FAM20A: variants seen among roughly 807,000 people sequenced by gnomAD.
FAM20A encodes the protein FAM20A golgi associated secretory pathway pseudokinase, also known as pseudokinase FAM20A.
Under a neutral mutation model 52.0 loss-of-function variants are expected in FAM20A, and 42 were observed. That is an observed-to-expected ratio of 0.81 (90% confidence interval 0.63 to 1.04). FAM20A has a LOEUF of 1.04. FAM20A is among the 50% of genes least tolerant of loss of function. The pLI, the probability that FAM20A is intolerant of heterozygous loss-of-function variation, is 0.00. For missense variants in FAM20A, 742 were observed against 712.7 expected (o/e 1.04, Z -0.47); for synonymous variants, 304 against 298.9 (o/e 1.02, Z -0.18).
intron 1 of FAM20A, among the ~76,000 whole-genome samples, chr17:68,568,687 A>G (rs924486312): frequency 6.6e-6 from 1 of 151,548 alleles, no homozygotes; most frequent in Non-Finnish European, 1.5e-5. Context: ...TGGCCACATC[A>G]TGCTAATCTC....
chr17:68,552,866 A>G (rs889867036), intron 3 of FAM20A, among the ~76,000 whole-genome samples: 4 of 129,050 alleles, frequency 3.1e-5, no homozygotes, highest in South Asian at 5.1e-4. Flanking sequence ...TATTTTTAGT[A>G]GAGACGGGGT....
chr17:68,540,605 G>A, intron 8 of FAM20A: 1 of 602,956 alleles, frequency 1.7e-6, no homozygotes, highest in South Asian at 1.5e-5. Context: ...GCCCACTCAG[G>A]CCCGTGGCAG....
chr17:68,558,967 AG>A (rs1439199605), intron 1 of FAM20A, among the ~76,000 whole-genome samples: 1 of 152,190 alleles, frequency 6.6e-6, no homozygotes, highest in Non-Finnish European at 1.5e-5. Context: ...CATCTTGGCC[AG>A]GGTGGTCTTG....
At chr17:68,591,444 A>C (rs1201147850) in intron 1 of FAM20A, among the ~76,000 whole-genome samples, 4 of 152,306 alleles carry the variant, frequency 2.6e-5, no homozygotes, top group African/African-American at 9.6e-5. Flanking sequence ...TTCTGCCCTT[A>C]CTGAGGTTTG....
chr17:68,575,650 TTA>T (rs1408269659), intron 1 of FAM20A, among the ~76,000 whole-genome samples: 1 of 115,706 alleles, frequency 8.6e-6, no homozygotes, highest in Non-Finnish European at 1.7e-5. Context: ...ATATTATATT[TTA>T]TATATATTTT....
At chr17:68,584,905 G>C (rs2088124892) in intron 1 of FAM20A, among the ~76,000 whole-genome samples, 1 of 152,196 alleles carries the variant, frequency 6.6e-6, no homozygotes, top group Admixed American at 6.5e-5. Context: ...TACTTGGGGT[G>C]TACATTTTGC....
chr17:68,547,964 C>A (rs1040117918), intron 4 of FAM20A, among the ~76,000 whole-genome samples: 6 of 152,336 alleles, frequency 3.9e-5, no homozygotes, highest in Admixed American at 3.9e-4. Context: ...ATATGACACT[C>A]CTCCTTTCAT....
chr17:68,597,808 A>G (rs548670652), intron 1 of FAM20A, among the ~76,000 whole-genome samples: 1 of 152,146 alleles, frequency 6.6e-6, no homozygotes, highest in South Asian at 2.1e-4. Flanking sequence ...TGTCCATTCT[A>G]TTTATTTGTC....
intron 4 of FAM20A, among the ~76,000 whole-genome samples, chr17:68,546,062 G>A (rs2086542441): frequency 6.6e-6 from 1 of 151,056 alleles, no homozygotes; most frequent in Non-Finnish European, 1.5e-5. Flanking sequence ...CCAGCTACTT[G>A]GGAGGCTGAG....
chr17:68,546,441 G>C (rs866907952), intron 4 of FAM20A, among the ~76,000 whole-genome samples: 31 of 152,008 alleles, frequency 2.0e-4, no homozygotes, highest in African/African-American at 7.0e-4. Flanking sequence ...CTAGAATGGA[G>C]ACTCCTTTCC....
Position 68,600,674 on chromosome 17 carries a change from T to C in FAM20A, c.-8A>G. 2 of 1,537,318 alleles carry C rather than the reference T, an allele frequency of 1.3e-6. No individual in the cohort carries two copies. Among genetic ancestry groups the C allele is most frequent in the Non-Finnish European group, 1.7e-6 (2 of 1,148,302 alleles). ...CCGGCGCAGCCCCGGCATGGCGTGCTGGCCAAGGGGGACGCCGGGGGCAGG... is the reference window on the plus strand; with the variant it reads ...CCGGCGCAGCCCCGGCATGGCGTGCCGGCCAAGGGGGACGCCGGGGGCAGG... On this transcript the variant is annotated 5_prime_UTR_variant, in exon 1 of 11. Transcript: ENST00000592554. This position sits in a 1 kb window ranked among gnomAD's most constrained non-coding sequence, Gnocchi z 6.2.
rs1039169812 is a variant in FAM20A, at chr17:68,600,039, A to C, written c.404+224T>G. On this transcript the variant is annotated intron_variant, in intron 1 of 10. Transcript: ENST00000592554. This position sits in a 1 kb window ranked among gnomAD's most constrained non-coding sequence, Gnocchi z 6.2. ...CGTTTCTTCGCTGTGCGGCTGCAAT[A>C]GAAACTTTTTCCTCGTACTATCTGA... 4.6e-5 allele frequency among the ~76,000 whole-genome samples: 7 copies of C among 152,184 alleles called. No homozygotes were observed. Among genetic ancestry groups the C allele is most frequent in the Non-Finnish European group, 8.8e-5 (6 of 68,026 alleles).
In FAM20A at chr17:68,600,968, C is replaced by T. The variant is rs1054835780; in HGVS notation, c.-302G>A. 3 of 268,230 alleles carry T rather than the reference C, an allele frequency of 1.1e-5. No individual in the cohort carries two copies. The highest frequency in any genetic ancestry group is 2.1e-5 in the Non-Finnish European group (3 of 144,084). 16.6% of individuals were successfully genotyped at this position (268,230 alleles called of 1,614,324 possible). ...TCTTGCGCCTTTTCTCCCGTGCGCC[C>T]GCCCGCCCGGACGCTCGCGGCAGGT... On this transcript the variant is annotated 5_prime_UTR_variant, in exon 1 of 11. Coordinates refer to ENST00000592554, the MANE Select transcript of FAM20A (RefSeq NM_017565.4). The surrounding 1 kb of genome is among the most constrained non-coding windows in gnomAD (Gnocchi z 6.2).
intron 1 of FAM20A, chr17:68,575,100 A>G (rs2087689663): frequency 6.6e-6 from 1 of 152,040 alleles, no homozygotes. Context: ...GCTGAAAGAG[A>G]TAAGAAATGG....
At position 68,600,464 on chromosome 17, in the gene FAM20A, A is replaced by T. The variant is rs369502836; in HGVS notation, c.203T>A (p.Val68Glu). 1.7e-5 allele frequency: 28 copies of T among 1,608,984 alleles called. No individual in the cohort carries two copies. Among genetic ancestry groups the T allele is most frequent in the Non-Finnish European group, 2.4e-5 (28 of 1,178,028 alleles). The change falls in exon 1 of 11, where the codon GTG becomes GAG. Residue 68 changes from valine to glutamate, a missense_variant. By Grantham distance (121) the Val-to-Glu change is moderately radical. Coordinates refer to ENST00000592554, the MANE Select transcript of FAM20A (RefSeq NM_017565.4). This position sits in a 1 kb window ranked among gnomAD's most constrained non-coding sequence, Gnocchi z 6.2. ...GGGCTCGGTTCGGGAAAAGTTGTGC[A>T]CGATCGTGCCGGGGTCCGAGGCAGC... ...AAAASDPGTI[V>E]HNFSRTEPRT...
chr17:68,539,420 T>G, intron 9 of FAM20A, 24 bp from the exon 10 acceptor site: 1 of 1,612,006 alleles, frequency 6.2e-7, no homozygotes, highest in Non-Finnish European at 8.5e-7. Flanking sequence ...CAGGCTTTTA[T>G]GGGTGGCCGG....
rs8068215 is a variant in FAM20A at position 68,552,345 on chromosome 17, C to T, written c.641-394G>A. ...AGAATGTTTTCCTAAGAAGAATGAA[C>T]CCTTTCCTCTTTGTGTTTCAACTAC... On this transcript the variant is annotated intron_variant, in intron 3 of 10. Coordinates refer to ENST00000592554, the MANE Select transcript of FAM20A (RefSeq NM_017565.4). 3.2e-3 allele frequency among the ~76,000 whole-genome samples: 492 copies of T among 152,146 alleles called. 6 individuals are homozygous for T. Among genetic ancestry groups the T allele is most frequent in the African/African-American group, 0.011 (476 of 41,494 alleles).
At chr17:68,557,385 G>A (rs1384194322) in intron 1 of FAM20A, 1 of 151,972 alleles carries the variant, frequency 6.6e-6, no homozygotes, top group Admixed American at 6.6e-5. Flanking sequence ...TTGGAGATGG[G>A]GCCTCTGGGG....
chr17:68,537,591 G>T lies in FAM20A; in HGVS notation c.1512C>A (p.Thr504=), dbSNP rs750439786. 1 of 1,613,604 alleles carries T rather than the reference G, an allele frequency of 6.2e-7. No homozygotes were observed. The highest frequency in any genetic ancestry group is 8.5e-7 in the Non-Finnish European group (1 of 1,179,668). ...HLLALDRRLQ[T]ILRTVEGCIV... ...TGCACCCCTCCACTGTCCTTAGGAT[G>T]GTTTGGAGCCTTCGATCCAGGGCAA... is the stretch of plus-strand genomic sequence containing the variant. Residue 504 remains threonine (T), a synonymous_variant, in exon 11 of 11, where the codon ACC becomes ACA. Transcript: ENST00000592554. The surrounding 1 kb of genome is among the most constrained non-coding windows in gnomAD (Gnocchi z 4.2).
Sources: gnomAD v4.1 joint callset for allele counts (sites outside exome capture counted in the v4.1 genomes callset) on GRCh38, gnomAD v4.1.1 for gene constraint, Gnocchi (gnomAD v3.1) non-coding constraint, MANE v1.5 for transcripts, NCBI Gene and HGNC (gene_info 2026-07-23, HGNC 2026-07-21) for gene names.